STPG2: variants seen among roughly 807,000 people sequenced by gnomAD.
STPG2 encodes sperm-tail PG-rich repeat-containing protein 2.
A neutral mutation model predicts 54.2 loss-of-function variants in STPG2; 56 were observed. That is an observed-to-expected ratio of 1.03 (90% CI 0.83 to 1.29). STPG2 has a LOEUF of 1.29. Among genes scored for constraint, STPG2 ranks in the 50% most tolerant of loss-of-function variants. STPG2 has a pLI of 0.00. For missense variants in STPG2, 596 were observed against 544.9 expected (o/e 1.09, Z -0.93); for synonymous variants, 200 against 181.8 (o/e 1.10, Z -0.81).
In STPG2 at chr4:97,751,440, C is replaced by A. The variant is rs186525429; in HGVS notation, c.1205-38626G>T. 3.0e-3 allele frequency among the ~76,000 whole-genome samples: 456 copies of A among 151,866 alleles called. 1 individual carries two copies. Among genetic ancestry groups the A allele is most frequent in the African/African-American group, 0.011 (437 of 41,488 alleles). On this transcript the variant is annotated intron_variant, in intron 9 of 10. Transcript: ENST00000295268. ...TGTTTCTTAAAGTTATGGTGACATGCAACTCATTTTCCAAACTGCATGTAC... is the reference window on the plus strand; with the variant it reads ...TGTTTCTTAAAGTTATGGTGACATGAAACTCATTTTCCAAACTGCATGTAC...
At chr4:97,468,581 T>A (rs1339413140) in intron 4 of STPG2, among the ~76,000 whole-genome samples, 1 of 152,026 alleles carries the variant, frequency 6.6e-6, no homozygotes, top group African/African-American at 2.4e-5. Flanking sequence ...TCTGGCACCT[T>A]CGCTTTTCAG....
At chr4:97,779,336 T>G (rs994129460) in intron 9 of STPG2, among the ~76,000 whole-genome samples, 1 of 152,100 alleles carries the variant, frequency 6.6e-6, no homozygotes, top group Non-Finnish European at 1.5e-5. Flanking sequence ...GTATCAGTGA[T>G]TGAAGATCAA....
chr4:97,649,726 T>C (rs1045805883), intron 10 of STPG2, among the ~76,000 whole-genome samples: 2 of 152,066 alleles, frequency 1.3e-5, no homozygotes, highest in Admixed American at 6.6e-5. Context: ...ACCAGTTCAA[T>C]TGTATCTAAA....
intron 10 of STPG2, among the ~76,000 whole-genome samples, chr4:97,616,827 G>A (rs1733885819): frequency 1.3e-5 from 2 of 152,146 alleles, no homozygotes; most frequent in South Asian, 2.1e-4. Context: ...GTATGCCAAT[G>A]TATATGTGCC....
At chr4:97,732,360 T>C (rs1434573136) in intron 9 of STPG2, among the ~76,000 whole-genome samples, 2 of 152,218 alleles carry the variant, frequency 1.3e-5, no homozygotes, top group Non-Finnish European at 2.9e-5. Flanking sequence ...TTGATATTTT[T>C]ATAAGGTGAG....
At chr4:97,507,904 T>C (rs1266322841) in intron 4 of STPG2, among the ~76,000 whole-genome samples, 2 of 151,994 alleles carry the variant, frequency 1.3e-5, no homozygotes, top group Non-Finnish European at 2.9e-5. Flanking sequence ...TTATTGGGGT[T>C]GTATTACATA....
intron 5 of STPG2, among the ~76,000 whole-genome samples, chr4:98,014,455 C>A (rs189274019): frequency 3.3e-5 from 5 of 152,182 alleles, no homozygotes; most frequent in Non-Finnish European, 5.9e-5. Flanking sequence ...ACCTGGATAC[C>A]TCGGTTGCCA....
rs374055958 is a variant in STPG2 at position 97,781,308 on chromosome 4, C to T, written c.1204+59465G>A. The stretch of plus-strand genomic sequence containing the variant: ...TCAGAGAATACTATAAACACCTCTA[C>T]GCAAATAAACTAGAAAATCTAGAAG... On this transcript the variant is annotated intron_variant, in intron 9 of 10. Transcript: ENST00000295268. 6.3e-3 allele frequency among the ~76,000 whole-genome samples: 952 copies of T among 152,094 alleles called. 35 individuals are homozygous for T. Among genetic ancestry groups the T allele is most frequent in the Non-Finnish European group, 2.4e-3 (164 of 67,982 alleles).
At chr4:97,829,806 CGAGAA>C (rs1728389618) in intron 9 of STPG2, among the ~76,000 whole-genome samples, 1 of 151,160 alleles carries the variant, frequency 6.6e-6, no homozygotes, top group Non-Finnish European at 1.5e-5. Context: ...TGAAATTAAG[CGAGAA>C]GAGAAAATGA....
chr4:97,458,129 A>G (rs938109811), intron 4 of STPG2, among the ~76,000 whole-genome samples: 1 of 152,212 alleles, frequency 6.6e-6, no homozygotes, highest in Non-Finnish European at 1.5e-5. Context: ...TCACCTGAAA[A>G]TAGGAATGAA....
chr4:97,726,289 G>T (rs968100426), intron 9 of STPG2, among the ~76,000 whole-genome samples: 2 of 151,900 alleles, frequency 1.3e-5, no homozygotes, highest in African/African-American at 4.8e-5. Context: ...GTGGTCAGGG[G>T]CTAGAGAGGA....
chr4:97,943,851 A>G (rs751226924), intron 8 of STPG2, 46 bp downstream of exon 8: 2 of 1,404,910 alleles, frequency 1.4e-6, no homozygotes, highest in South Asian at 1.4e-5. Flanking sequence ...AGCCTCCTCC[A>G]TGATTTCTAG....
At chr4:97,866,964 G>A (rs1466999050) in intron 8 of STPG2, among the ~76,000 whole-genome samples, 1 of 151,852 alleles carries the variant, frequency 6.6e-6, no homozygotes, top group Non-Finnish European at 1.5e-5. Context: ...CTAGGTCTGG[G>A]GGCCAGCAGC....
At chr4:97,816,970 T>C (rs976849829) in intron 9 of STPG2, among the ~76,000 whole-genome samples, 1 of 147,620 alleles carries the variant, frequency 6.8e-6, no homozygotes, top group Non-Finnish European at 1.5e-5. Context: ...TATTATATAT[T>C]TTATATATTA....
chr4:97,471,796 A>G (rs531175997), intron 4 of STPG2, among the ~76,000 whole-genome samples: 94 of 152,334 alleles, frequency 6.2e-4, no homozygotes, highest in Non-Finnish European at 1.2e-3. Flanking sequence ...TATAAATACA[A>G]TATGAATGGA....
At chr4:97,836,658 C>T (rs867076928) in intron 9 of STPG2, among the ~76,000 whole-genome samples, 17 of 151,564 alleles carry the variant, frequency 1.1e-4, no homozygotes, top group African/African-American at 1.9e-4. Flanking sequence ...ACTCTCAATC[C>T]TTTTACCTCT....
chr4:97,511,202 T>C (rs989493750), intron 4 of STPG2, among the ~76,000 whole-genome samples: 1 of 152,040 alleles, frequency 6.6e-6, no homozygotes, highest in African/African-American at 2.4e-5. Context: ...CCAAAGTACA[T>C]GCTATTTACA....
chr4:97,503,555 G>A (rs1186969457), intron 4 of STPG2, among the ~76,000 whole-genome samples: 1 of 150,594 alleles, frequency 6.6e-6, no homozygotes, highest in Non-Finnish European at 1.5e-5. Context: ...CAAAGTGCTG[G>A]GATTACAGGC....
At chr4:97,874,411 T>C (rs1730102848) in intron 8 of STPG2, among the ~76,000 whole-genome samples, 3 of 151,742 alleles carry the variant, frequency 2.0e-5, no homozygotes, top group Non-Finnish European at 4.4e-5. Context: ...AGTATACAAT[T>C]AAGTTTTGAC....
Sources: allele counts gnomAD v4.1 joint callset (sites outside exome capture counted in the v4.1 genomes callset), GRCh38; gene constraint gnomAD v4.1.1; transcripts MANE v1.5; gene names NCBI Gene and HGNC (gene_info 2026-07-23, HGNC 2026-07-21).